Variants in RANBP17 observed in about 807,000 individuals in gnomAD.
RANBP17 encodes RAN binding protein 17.
RANBP17 carries 158 observed loss-of-function variants against 141.2 expected under a neutral mutation model. The ratio of observed to expected loss-of-function variants is 1.12; its 90% CI spans 0.98 to 1.28. The LOEUF is 1.28. RANBP17 is among the 50% of genes most tolerant of loss of function. RANBP17 has a pLI of 0.00. For missense variants in RANBP17, 1,438 were observed against 1,290.7 expected, an observed-to-expected ratio of 1.11 and a Z score of -1.75; for synonymous variants, 430 against 450.0, an observed-to-expected ratio of 0.96 and a Z score of 0.56.
At chr5:171,022,992 C>T (rs576744711) in intron 14 of RANBP17, among the ~76,000 whole-genome samples, 9 of 152,352 alleles carry the variant, frequency 5.9e-5, no homozygotes, top group Non-Finnish European at 1.2e-4. Flanking sequence ...GGGTAGCATG[C>T]TCATTCACTG....
chr5:171,159,373 A>G (rs927538676), intron 14 of RANBP17, among the ~76,000 whole-genome samples: 2 of 152,214 alleles, frequency 1.3e-5, no homozygotes, highest in African/African-American at 4.8e-5. Flanking sequence ...TTGGATGTCT[A>G]GTCCTGGCTC....
At chr5:171,274,737 A>G (rs1450756239) in intron 25 of RANBP17, among the ~76,000 whole-genome samples, 1 of 152,166 alleles carries the variant, frequency 6.6e-6, no homozygotes, top group Non-Finnish European at 1.5e-5. Flanking sequence ...AAACCCCCAA[A>G]ATATTAGTTT....
chr5:170,881,462 G>A (rs1768683444), intron 2 of RANBP17, among the ~76,000 whole-genome samples: 1 of 152,174 alleles, frequency 6.6e-6, no homozygotes, highest in South Asian at 2.1e-4. Context: ...GGAATCAGAT[G>A]AATTTGAAGA....
chr5:171,086,423 C>T (rs1581595748), intron 14 of RANBP17, among the ~76,000 whole-genome samples: 1 of 151,574 alleles, frequency 6.6e-6, no homozygotes, highest in East Asian at 1.9e-4. Flanking sequence ...GTCTAAAATT[C>T]TCTTTTTGGT....
intron 14 of RANBP17, among the ~76,000 whole-genome samples, chr5:171,129,428 T>G (rs1261970505): frequency 6.6e-6 from 1 of 152,194 alleles, no homozygotes; most frequent in Non-Finnish European, 1.5e-5. Context: ...TTCCTCTTCC[T>G]TCTGCTCACC....
At position 170,977,017 on chromosome 5, in the gene RANBP17, T is replaced by C. The variant is rs377445444; in HGVS notation, c.1710+8640T>C. ...TTGGACTTCATCATTTAAAAACTTT[T>C]GTACTTCAGAGGACATCATCAAGAA... On this transcript the variant is annotated intron_variant, in intron 14 of 27. Coordinates refer to ENST00000523189, the MANE Select transcript of RANBP17 (RefSeq NM_022897.5). Among the ~76,000 whole-genome samples, 63 of 152,264 alleles carry C rather than the reference T, an allele frequency of 4.1e-4. 1 individual carries two copies. In the South Asian group the frequency reaches 0.012, roughly 30 times the overall value.
In RANBP17 at chr5:171,102,440, C is replaced by T. The variant is rs148185211; in HGVS notation, c.1711-67690C>T. The stretch of plus-strand genomic sequence containing the variant: ...CTTCTCGTGCTGTTTTTTTCAGCTC[C>T]ATCAGGTCATTTATGTTCTTCTCTA... On this transcript the variant is annotated intron_variant, in intron 14 of 27. Transcript: ENST00000523189. 6.6e-3 allele frequency among the ~76,000 whole-genome samples: 1,009 copies of T among 152,040 alleles called. 64 individuals carry two copies. In the East Asian group the frequency reaches 0.15, roughly 23 times the overall value.
At chr5:171,239,207 A>G (rs572829654) in intron 22 of RANBP17, among the ~76,000 whole-genome samples, 3 of 152,312 alleles carry the variant, frequency 2.0e-5, no homozygotes, top group African/African-American at 7.2e-5. Flanking sequence ...TGGTTTTGTC[A>G]TTCAGATATA....
At chr5:171,054,945 A>G (rs1581505613) in intron 14 of RANBP17, among the ~76,000 whole-genome samples, 1 of 152,338 alleles carries the variant, frequency 6.6e-6, no homozygotes, top group Admixed American at 6.5e-5. Flanking sequence ...GAAAGCATCC[A>G]TATGCTGAGG....
At chr5:171,278,198 A>G (rs1012561767) in intron 25 of RANBP17, among the ~76,000 whole-genome samples, 17 of 151,934 alleles carry the variant, frequency 1.1e-4, no homozygotes, top group Non-Finnish European at 2.9e-5. Flanking sequence ...CAGCCTGGGC[A>G]ACATAGCAAG....
chr5:171,200,089 C>T (rs1371614240), intron 19 of RANBP17, among the ~76,000 whole-genome samples: 1 of 152,096 alleles, frequency 6.6e-6, no homozygotes, highest in East Asian at 1.9e-4. Flanking sequence ...CCTCATCTAT[C>T]CTGCACTGTT....
intron 14 of RANBP17, among the ~76,000 whole-genome samples, chr5:171,110,689 G>T (rs958218309): frequency 6.6e-6 from 1 of 151,976 alleles, no homozygotes; most frequent in Non-Finnish European, 1.5e-5. Flanking sequence ...AGGGCCAAAA[G>T]GTTATATACT....
intron 14 of RANBP17, among the ~76,000 whole-genome samples, chr5:171,060,441 T>C (rs1377305221): frequency 7.2e-5 from 11 of 152,012 alleles, no homozygotes; most frequent in South Asian, 2.1e-4. Context: ...TTGTCTTTGG[T>C]TCTGTTTATA....
intron 12 of RANBP17, among the ~76,000 whole-genome samples, chr5:170,952,040 G>C (rs992123586): frequency 6.6e-6 from 1 of 151,914 alleles, no homozygotes; most frequent in Admixed American, 6.6e-5. Context: ...AATGAGGAAC[G>C]TGAAGATCAC....
intron 14 of RANBP17, among the ~76,000 whole-genome samples, chr5:170,991,196 G>T (rs1778485885): frequency 1.3e-5 from 2 of 151,756 alleles, no homozygotes; most frequent in African/African-American, 4.8e-5. Flanking sequence ...TTTTTTTGAA[G>T]ATTTTACAGC....
At chr5:170,932,850 G>A (rs1453771819) in intron 12 of RANBP17, among the ~76,000 whole-genome samples, 2 of 152,116 alleles carry the variant, frequency 1.3e-5, no homozygotes, top group Non-Finnish European at 2.9e-5. Flanking sequence ...TATTCATCAG[G>A]GATGTTGGTC....
At chr5:171,114,856 G>A (rs2127764406) in intron 14 of RANBP17, among the ~76,000 whole-genome samples, 1 of 152,012 alleles carries the variant, frequency 6.6e-6, no homozygotes, top group Middle Eastern at 3.4e-3. Context: ...GCTCAAGCCT[G>A]TAATCCTATC....
In RANBP17 at chr5:170,916,456, A is replaced by AT. The variant is rs759739739; in HGVS notation, c.835-3dup. ...AAAATTGAAATGAAATTTTTTTGGT[A>AT]TTTTTTAGGCACTTTCATGTTTAGT... On this transcript the variant is annotated splice_polypyrimidine_tract_variant and intron_variant, in intron 8 of 27. Coordinates refer to ENST00000523189, the MANE Select transcript of RANBP17 (RefSeq NM_022897.5). 2.6e-6 allele frequency: 4 copies of AT among 1,516,242 alleles called. No individual in the cohort carries two copies. Among genetic ancestry groups the AT allele is most frequent in the South Asian group, 1.3e-5 (1 of 74,694 alleles). 93.9% of individuals were successfully genotyped at this position (1,516,242 alleles called of 1,614,324 possible). A position where few individuals can be genotyped will look rare whatever the true frequency, so the allele number is the denominator to read the frequency against.
At chr5:171,157,551 G>A (rs1758995475) in intron 14 of RANBP17, among the ~76,000 whole-genome samples, 1 of 152,154 alleles carries the variant, frequency 6.6e-6, no homozygotes, top group Non-Finnish European at 1.5e-5. Flanking sequence ...TAAAATATGA[G>A]CATTTCTACT....
Sources: gnomAD v4.1 joint callset for allele counts (sites outside exome capture counted in the v4.1 genomes callset) on GRCh38, gnomAD v4.1.1 for gene constraint, MANE v1.5 for transcripts, NCBI Gene and HGNC (gene_info 2026-07-23, HGNC 2026-07-21) for gene names.